The following ADAMTSL1 variants were observed in gnomAD, a reference collection of about 807,000 sequenced individuals.
The protein encoded by ADAMTSL1 is ADAMTS-like protein 1.
In ADAMTSL1, 126 loss-of-function variants were observed where a neutral mutation model predicts 201.8. The observed-to-expected ratio is 0.62, with a 90% CI of 0.54 to 0.72. The LOEUF is 0.72. ADAMTSL1 is among the 30% of genes least tolerant of loss of function. ADAMTSL1 has a pLI of 0.00. For synonymous variants in ADAMTSL1, 1,121 were observed against 903.4 expected, an observed-to-expected ratio of 1.24 and a Z score of -4.32; for missense variants, 2,679 against 2,277.8, an observed-to-expected ratio of 1.18 and a Z score of -3.59.
intron 14 of ADAMTSL1, among the ~76,000 whole-genome samples, chr9:18,711,109 A>C (rs951543081): frequency 1.3e-5 from 2 of 152,224 alleles, no homozygotes; most frequent in Non-Finnish European, 2.9e-5. Flanking sequence ...ATTTACAAAA[A>C]TTGTTACATC....
At chr9:18,344,932 C>G (rs1835634168) in intron 2 of ADAMTSL1, among the ~76,000 whole-genome samples, 1 of 152,168 alleles carries the variant, frequency 6.6e-6, no homozygotes, top group Non-Finnish European at 1.5e-5. Flanking sequence ...AAGCAGAGCT[C>G]CCCTCGGGAG....
intron 2 of ADAMTSL1, among the ~76,000 whole-genome samples, chr9:18,400,605 G>T (rs960755381): frequency 2.0e-5 from 3 of 152,108 alleles, no homozygotes; most frequent in African/African-American, 7.2e-5. Flanking sequence ...CATAGAATAC[G>T]TTTCGAACAG....
At chr9:18,033,629 G>A (rs1821070703) in intron 1 of ADAMTSL1, among the ~76,000 whole-genome samples, 1 of 152,160 alleles carries the variant, frequency 6.6e-6, no homozygotes, top group Non-Finnish European at 1.5e-5. Context: ...TACAGAAATG[G>A]AAACAATCTC....
intron 1 of ADAMTSL1, among the ~76,000 whole-genome samples, chr9:17,966,987 T>C (rs565242069): frequency 2.6e-5 from 4 of 152,286 alleles, no homozygotes; most frequent in South Asian, 4.1e-4. Flanking sequence ...GGCATTTGGG[T>C]TACAGTCCAT....
chr9:17,954,814 A>C (rs1334790897), intron 1 of ADAMTSL1, among the ~76,000 whole-genome samples: 1 of 152,178 alleles, frequency 6.6e-6, no homozygotes, highest in Non-Finnish European at 1.5e-5. Context: ...TTCACATAAA[A>C]TGGAAATCAC....
intron 13 of ADAMTSL1, among the ~76,000 whole-genome samples, chr9:18,694,392 A>T (rs1831423510): frequency 6.6e-6 from 1 of 152,200 alleles, no homozygotes; most frequent in South Asian, 2.1e-4. Flanking sequence ...CTCATCTGAG[A>T]CAAGGCAAAT....
At chr9:18,806,368 G>A (rs1427657338) in intron 20 of ADAMTSL1, among the ~76,000 whole-genome samples, 1 of 152,180 alleles carries the variant, frequency 6.6e-6, no homozygotes, top group Non-Finnish European at 1.5e-5. Context: ...ACTGCAAAAA[G>A]GCTGGAAAAT....
chr9:18,722,107 A>T (rs1437072804), intron 15 of ADAMTSL1, among the ~76,000 whole-genome samples: 5 of 152,100 alleles, frequency 3.3e-5, no homozygotes, highest in Admixed American at 2.6e-4. Flanking sequence ...CTATATGCAC[A>T]CAGCATGCAG....
At chr9:18,369,601 A>G (rs1054611570) in intron 2 of ADAMTSL1, among the ~76,000 whole-genome samples, 1 of 152,232 alleles carries the variant, frequency 6.6e-6, no homozygotes, top group African/African-American at 2.4e-5. Flanking sequence ...TAGAACTACC[A>G]TTAGACCCAT....
chr9:18,801,901 C>G (rs887476175), intron 20 of ADAMTSL1, among the ~76,000 whole-genome samples: 2 of 152,022 alleles, frequency 1.3e-5, no homozygotes, highest in African/African-American at 4.8e-5. Context: ...GGGTTCTTTA[C>G]TTTTAACAGC....
chr9:18,895,733 A>G (rs1439172039), intron 26 of ADAMTSL1, among the ~76,000 whole-genome samples: 1 of 152,226 alleles, frequency 6.6e-6, no homozygotes, highest in African/African-American at 2.4e-5. Flanking sequence ...ATACCCAGCT[A>G]ATCAGTGATG....
At chr9:18,717,943 C>G (rs1370327001) in intron 14 of ADAMTSL1, 5 of 1,364,824 alleles carry the variant, frequency 3.7e-6, no homozygotes, top group Non-Finnish European at 5.2e-6. Context: ...TTCTTCAGAG[C>G]TGACTCAGAG....
chr9:17,985,096 C>T (rs2131478113), intron 1 of ADAMTSL1, among the ~76,000 whole-genome samples: 1 of 152,260 alleles, frequency 6.6e-6, no homozygotes, highest in Non-Finnish European at 1.5e-5. Flanking sequence ...CAAGTACCGT[C>T]ACTCTTTTAA....
chr9:18,448,686 C>G (rs945449597), intron 2 of ADAMTSL1, among the ~76,000 whole-genome samples: 1 of 152,102 alleles, frequency 6.6e-6, no homozygotes, highest in Non-Finnish European at 1.5e-5. Context: ...ACATTTATCT[C>G]ATTTTCTTTT....
At chr9:18,255,492 T>C (rs567090256) in intron 2 of ADAMTSL1, among the ~76,000 whole-genome samples, 4 of 152,348 alleles carry the variant, frequency 2.6e-5, no homozygotes, top group African/African-American at 9.6e-5. Context: ...CAGCTACTTA[T>C]GTTAACTTCT....
intron 20 of ADAMTSL1, among the ~76,000 whole-genome samples, chr9:18,804,535 T>C (rs2131103497): frequency 6.6e-6 from 1 of 152,254 alleles, no homozygotes; most frequent in South Asian, 2.1e-4. Context: ...ACAAAGCAAC[T>C]CTTATGGGAA....
At chr9:18,146,392 G>C (rs1826643510) in intron 1 of ADAMTSL1, among the ~76,000 whole-genome samples, 1 of 152,070 alleles carries the variant, frequency 6.6e-6, no homozygotes, top group Non-Finnish European at 1.5e-5. Flanking sequence ...GCAATAAAGA[G>C]GTATGAGCTA....
Position 18,777,756 on chromosome 9 carries a change from TCTCAGCCTCG to T in ADAMTSL1, c.3528_3537del (p.Ser1177ArgfsTer17). Reference sequence around the variant, plus strand: ...CGCAAGATCTCAGCGGCCCAGCAGCTCTCAGCCTCGGAGGTGGTCACCCACCTGGGGCAGA... The same window carrying T: ...CGCAAGATCTCAGCGGCCCAGCAGCTGAGGTGGTCACCCACCTGGGGCAGA... On this transcript the variant is annotated frameshift_variant, in exon 19 of 29. Coordinates refer to ENST00000380548, the MANE Select transcript of ADAMTSL1 (RefSeq NM_001040272.6). LOFTEE classifies it high-confidence loss of function. 2 of 1,613,710 alleles carry T rather than the reference TCTCAGCCTCG, an allele frequency of 1.2e-6. No homozygotes were observed. Among genetic ancestry groups the T allele is most frequent in the Non-Finnish European group, 1.7e-6 (2 of 1,179,832 alleles).
intron 1 of ADAMTSL1, among the ~76,000 whole-genome samples, chr9:18,478,218 G>A (rs12001288): frequency 0.046 from 6,917 of 151,986 alleles, 478 homozygotes; most frequent in African/African-American, 0.15. Flanking sequence ...GTTAAGTGTC[G>A]TTAACTCTAT....
Sources: gnomAD v4.1 joint callset for allele counts (sites outside exome capture counted in the v4.1 genomes callset) on GRCh38, gnomAD v4.1.1 for gene constraint, MANE v1.5 for transcripts, NCBI Gene and HGNC (gene_info 2026-07-23, HGNC 2026-07-21) for gene names.